WDR12: variants seen among roughly 807,000 people sequenced by gnomAD.
WDR12 encodes ribosome biogenesis protein WDR12.
Under a neutral mutation model 64.3 loss-of-function variants are expected in WDR12, and 42 were observed. The ratio of observed to expected loss-of-function variants is 0.65; its 90% CI spans 0.51 to 0.84. The LOEUF (loss-of-function observed/expected upper bound fraction) is 0.84. WDR12 is among the 40% of genes least tolerant of loss of function. WDR12 has a pLI of 0.00. For missense variants in WDR12, 469 were observed against 494.6 expected (o/e 0.95, Z 0.49); for synonymous variants, 158 against 173.3 (o/e 0.91, Z 0.70).
At chr2:202,902,907 T>A (rs1688375121) in intron 2 of WDR12, among the ~76,000 whole-genome samples, 1 of 152,120 alleles carries the variant, frequency 6.6e-6, no homozygotes, top group East Asian at 1.9e-4. Context: ...AAACCCCGTC[T>A]CTACTAAAAC....
chr2:202,897,867 T>A, intron 4 of WDR12, among the ~76,000 whole-genome samples: 1 of 114,938 alleles, frequency 8.7e-6, no homozygotes, highest in Non-Finnish European at 1.7e-5. Flanking sequence ...CCAGCCTGGG[T>A]GACAGAGCGA....
chr2:202,880,786 A>T lies in WDR12; in HGVS notation c.*74T>A, dbSNP rs1312567218. 1 of 1,354,740 alleles carries T rather than the reference A, an allele frequency of 7.4e-7. No homozygotes were observed. The highest frequency in any genetic ancestry group is 1.5e-5 in the African/African-American group (1 of 68,780). 83.9% of individuals were successfully genotyped at this position (1,354,740 alleles called of 1,614,324 possible). The stretch of plus-strand genomic sequence containing the variant: ...TCAAAAGGCTGCTTTCTGCATCTGC[A>T]TCTATGTAATTTCATGGTTCTCTAC... On this transcript the variant is annotated 3_prime_UTR_variant, in exon 13 of 13. Transcript: ENST00000261015.
chr2:202,907,490 G>C (rs1007713579), intron 2 of WDR12, among the ~76,000 whole-genome samples: 4 of 151,698 alleles, frequency 2.6e-5, no homozygotes, highest in South Asian at 2.1e-4. Context: ...ATTTTGCTTT[G>C]TGCTTCACTA....
intron 11 of WDR12, 196 bp from the exon 12 acceptor site, chr2:202,882,979 A>T: frequency 2.0e-6 from 1 of 488,598 alleles, no homozygotes; most frequent in South Asian, 3.0e-5. Context: ...GACATTTATT[A>T]TAACAAATAT....
Position 202,883,607 on chromosome 2 carries a change from A to G in WDR12, c.1121+2T>C, listed in dbSNP as rs1355505941. 5.0e-6 allele frequency: 8 copies of G among 1,613,270 alleles called. No homozygotes were observed. Among genetic ancestry groups the G allele is most frequent in the Non-Finnish European group, 6.8e-6 (8 of 1,179,660 alleles). On this transcript the variant is annotated splice_donor_variant, in intron 11 of 12. Coordinates refer to ENST00000261015, the MANE Select transcript of WDR12 (RefSeq NM_018256.4). LOFTEE classifies it high-confidence loss of function. The stretch of plus-strand genomic sequence containing the variant: ...CTCTTATAGATCATAAATAGAATTT[A>G]CCTTCTTGTATCCCACAGCTTAACA...
intron 3 of WDR12, 81 bp from the exon 4 acceptor site, chr2:202,899,718 A>T (rs1688317040): frequency 1.6e-6 from 2 of 1,259,412 alleles, no homozygotes; most frequent in Non-Finnish European, 2.3e-6. Context: ...CCAATTTAAT[A>T]TATCTCCTTT....
chr2:202,903,497 AAGGAAGTG>A (rs1182082812), intron 2 of WDR12, among the ~76,000 whole-genome samples: 1 of 61,342 alleles, frequency 1.6e-5, no homozygotes, highest in African/African-American at 4.3e-5. Flanking sequence ...GGAAGGAAGG[AAGGAAGTG>A]AGGGAGGGAG....
chr2:202,899,195 A>G (rs760309781), intron 4 of WDR12, among the ~76,000 whole-genome samples: 3 of 151,382 alleles, frequency 2.0e-5, no homozygotes, highest in Non-Finnish European at 4.4e-5. Flanking sequence ...GGCGCCCACC[A>G]CCACGCCCGG....
chr2:202,874,842 C>T lies in WDR12; in HGVS notation c.*6018G>A, dbSNP rs1380035090. 6.6e-6 allele frequency: 1 copy of T among 152,154 alleles called. No individual in the cohort carries two copies. Among genetic ancestry groups the T allele is most frequent in the East Asian group, 1.9e-4 (1 of 5,202 alleles). 9.4% of individuals were successfully genotyped at this position (152,154 alleles called of 1,614,324 possible). A position where few individuals can be genotyped will look rare whatever the true frequency, so the allele number is the denominator to read the frequency against. On this transcript the variant is annotated 3_prime_UTR_variant, in exon 13 of 13. Transcript: ENST00000261015. ...AGCTAGAAACAGTATTAGAATTAGA[C>T]ACAATTCTAGAATTAGAATTATTAT...
Position 202,882,728 on chromosome 2 carries a change from C to G in WDR12, c.1177G>C (p.Asp393His). Residue 393 changes from aspartate (D) to histidine (H), a missense_variant, in exon 12 of 13, where the codon GAC becomes CAC. Coordinates refer to ENST00000261015, the MANE Select transcript of WDR12 (RefSeq NM_018256.4). ...ATTCTTACCCCTGTGTCTGTCCAGT[C>G]TACACTCAGAACTTTGTCTTCATGA... ...AAHEDKVLSV[D>H]WTDTGLLLSG... is the part of the protein sequence containing the mutation. 2 of 1,614,024 alleles carry G rather than the reference C, an allele frequency of 1.2e-6. No individual in the cohort carries two copies. The highest frequency in any genetic ancestry group is 2.2e-5 in the East Asian group (1 of 44,874).
Position 202,883,761 on chromosome 2 carries a change from C to CA in WDR12, c.989-21dup. ...AACCATCTGAACAAAGCAAAAAAGA[C>CA]AAGCGTTGAATTTTAGAAAAGGGAA... On this transcript the variant is annotated intron_variant, in intron 10 of 12. Transcript: ENST00000261015. The CA allele has an allele frequency of 6.2e-7, 1 of 1,604,394 alleles. No individual in the cohort carries two copies. Among genetic ancestry groups the CA allele is most frequent in the Non-Finnish European group, 8.5e-7 (1 of 1,177,212 alleles).
In WDR12 at chr2:202,878,474, C is replaced by T. The variant is rs1354056901; in HGVS notation, c.*2386G>A. 3.9e-5 allele frequency: 6 copies of T among 152,166 alleles called. No homozygotes were observed. The highest frequency in any genetic ancestry group is 7.3e-5 in the Non-Finnish European group (5 of 68,034). The allele number at this position is 152,166 out of a possible 1,614,324, so 9.4% of individuals were successfully genotyped here. A position where few individuals can be genotyped will look rare whatever the true frequency, so the allele number is the denominator to read the frequency against. On this transcript the variant is annotated 3_prime_UTR_variant, in exon 13 of 13. Coordinates refer to ENST00000261015, the MANE Select transcript of WDR12 (RefSeq NM_018256.4). ...GGATTCTGTGCATGAATTTTCTGGC[C>T]ACCTTTATTCACTATTTGGCATTAA...
Position 202,901,007 on chromosome 2 carries a change from A to AT in WDR12, c.231+17dup. On this transcript the variant is annotated intron_variant, in intron 3 of 12. Transcript: ENST00000261015. ...TAATGCCTCAAGTGAAATACAGAAG[A>AT]TAAGAATTTGAACTTACTGATGAGA... The AT allele has an allele frequency of 1.9e-6, 3 of 1,559,992 alleles. No individual in the cohort carries two copies. Among genetic ancestry groups the AT allele is most frequent in the Middle Eastern group, 4.1e-4 (2 of 4,822 alleles).
At position 202,877,372 on chromosome 2, in the gene WDR12, G is replaced by T. The variant is rs1467486285; in HGVS notation, c.*3488C>A. On this transcript the variant is annotated 3_prime_UTR_variant, in exon 13 of 13. Transcript: ENST00000261015. Reference sequence around the variant, plus strand: ...TTTCTTAAAACTTTATTTGGGCTGGGTGCGGTGGCTCATGCCTGTAATCTC... The same window carrying T: ...TTTCTTAAAACTTTATTTGGGCTGGTTGCGGTGGCTCATGCCTGTAATCTC... 1 of 152,096 alleles carries T rather than the reference G, an allele frequency of 6.6e-6. No individual in the cohort carries two copies. The highest frequency in any genetic ancestry group is 2.4e-5 in the African/African-American group (1 of 41,406). The allele number at this position is 152,096 out of a possible 1,614,324, so 9.4% of individuals were successfully genotyped here. A position where few individuals can be genotyped will look rare whatever the true frequency, so the allele number is the denominator to read the frequency against.
rs961350871 is a variant in WDR12 at position 202,875,771 on chromosome 2, A to G, written c.*5089T>C. On this transcript the variant is annotated 3_prime_UTR_variant, in exon 13 of 13. Transcript: ENST00000261015. ...TAAAAACATCATTCTTGTGCACGAC[A>G]TAAGATTGACAAAATATATACCAGT... 3 of 152,228 alleles carry G rather than the reference A, an allele frequency of 2.0e-5. No individual in the cohort carries two copies. The highest frequency in any genetic ancestry group is 4.8e-5 in the African/African-American group (2 of 41,474). 9.4% of individuals were successfully genotyped at this position (152,228 alleles called of 1,614,324 possible).
In WDR12 at chr2:202,897,406, A is replaced by T; in HGVS notation, c.348T>A (p.Thr116=). ...TCCGAGAAGTCTTATCATAAGAACC[A>T]GTCAAGATCCTATGAGAAAAAAAAA... ...SIKGAEEWIL[T]GSYDKTSRIW... is the part of the protein sequence containing the mutation. Residue 116 remains threonine, a synonymous_variant, in exon 5 of 13, where the codon ACT becomes ACA. Transcript: ENST00000261015. 6.5e-7 allele frequency: 1 copy of T among 1,545,044 alleles called. No individual in the cohort carries two copies. The highest frequency in any genetic ancestry group is 8.7e-7 in the Non-Finnish European group (1 of 1,150,040).
intron 6 of WDR12, 110 bp downstream of exon 6, chr2:202,895,955 C>T: frequency 7.8e-7 from 1 of 1,276,874 alleles, no homozygotes; most frequent in Admixed American, 2.3e-5. Context: ...TCTTTTGTCA[C>T]CGATTGTTAG....
At position 202,876,109 on chromosome 2, in the gene WDR12, G is replaced by T. The variant is rs1687853843; in HGVS notation, c.*4751C>A. On this transcript the variant is annotated 3_prime_UTR_variant, in exon 13 of 13. Coordinates refer to ENST00000261015, the MANE Select transcript of WDR12 (RefSeq NM_018256.4). ...TATAATAAAGATATATTTGGTTCAG[G>T]CTGGATGCAGTGGCTCATGCCTGTA... 2.0e-5 allele frequency: 3 copies of T among 152,180 alleles called. No homozygotes were observed. The highest frequency in any genetic ancestry group is 2.9e-5 in the Non-Finnish European group (2 of 68,046). The allele number at this position is 152,180 out of a possible 1,614,324, so 9.4% of individuals were successfully genotyped here. A position where few individuals can be genotyped will look rare whatever the true frequency, so the allele number is the denominator to read the frequency against.
At chr2:202,904,160 A>AAAAAG (rs1688410579) in intron 2 of WDR12, among the ~76,000 whole-genome samples, 1 of 149,400 alleles carries the variant, frequency 6.7e-6, no homozygotes. Flanking sequence ...AAAAAAAAAA[A>AAAAAG]AAAAGAAAAG....
Sources: allele counts gnomAD v4.1 joint callset (sites outside exome capture counted in the v4.1 genomes callset), GRCh38; gene constraint gnomAD v4.1.1; transcripts MANE v1.5; gene names NCBI Gene and HGNC (gene_info 2026-07-23, HGNC 2026-07-21).